Variants in NR1H3 observed in about 807,000 individuals in gnomAD.
The protein encoded by NR1H3 is oxysterols receptor LXR-alpha.
NR1H3 carries 19 observed loss-of-function variants against 48.1 expected under a neutral mutation model. That is an observed-to-expected ratio of 0.40 (90% confidence interval 0.28 to 0.58). NR1H3 has a LOEUF of 0.58. Among genes scored for constraint, NR1H3 ranks in the 20% least tolerant of loss-of-function variants. The pLI is 0.50. For synonymous variants in NR1H3, 232 were observed against 227.3 expected (o/e 1.02, Z -0.19); for missense variants, 486 against 595.9 (o/e 0.82, Z 1.92).
intron 1 of NR1H3, 170 bp downstream of exon 1, chr11:47,258,299 G>C: frequency 3.1e-6 from 2 of 651,622 alleles, no homozygotes; most frequent in Non-Finnish European, 3.8e-6. Flanking sequence ...CTCATGAGGG[G>C]CTCAGGGGAG....
At chr11:47,265,249 C>T (rs976094353) in intron 7 of NR1H3, among the ~76,000 whole-genome samples, 6 of 151,796 alleles carry the variant, frequency 4.0e-5, no homozygotes, top group Non-Finnish European at 7.4e-5. Flanking sequence ...GCTGAGATCG[C>T]GCCACTGCAC....
At chr11:47,264,916 A>G (rs1279836308) in intron 7 of NR1H3, among the ~76,000 whole-genome samples, 4 of 152,318 alleles carry the variant, frequency 2.6e-5, no homozygotes, top group East Asian at 3.9e-4. Context: ...TTAGCTAACT[A>G]TAGAACCTCC....
At chr11:47,248,720 C>T (rs1954339912), upstream of NR1H3, 3 of 1,611,944 alleles carry the variant, frequency 1.9e-6, no homozygotes, top group African/African-American at 4.0e-5. Flanking sequence ...GGCGGCATCA[C>T]CACCAGGTTC....
chr11:47,257,363 C>A (rs1167133959), upstream of NR1H3, among the ~76,000 whole-genome samples: 4 of 152,176 alleles, frequency 2.6e-5, no homozygotes, highest in Non-Finnish European at 5.9e-5. Context: ...CCCAGGCCTG[C>A]CACTGCTCAT....
intron 7 of NR1H3, among the ~76,000 whole-genome samples, chr11:47,267,533 G>A (rs1052806577): frequency 5.9e-4 from 89 of 150,464 alleles, no homozygotes; most frequent in African/African-American, 1.9e-3. Flanking sequence ...TTTTTTGACG[G>A]AATCTCGCTC....
At chr11:47,263,594 T>C (rs150296148) in intron 7 of NR1H3, among the ~76,000 whole-genome samples, 3,910 of 150,444 alleles carry the variant, frequency 0.026, 173 homozygotes, top group African/African-American at 0.091. Flanking sequence ...TCTTTTTCTT[T>C]TTTTTTCTTT....
intron 7 of NR1H3, among the ~76,000 whole-genome samples, chr11:47,263,286 ATAAGT>A (rs978902987): frequency 1.1e-4 from 15 of 135,988 alleles, no homozygotes; most frequent in Non-Finnish European, 2.2e-4. Flanking sequence ...TTTTTTTGAG[ATAAGT>A]TCTTGCTCTG....
chr11:47,268,411 G>C, intron 9 of NR1H3, 56 bp downstream of exon 9: 1 of 1,593,708 alleles, frequency 6.3e-7, no homozygotes, highest in Non-Finnish European at 8.6e-7. Flanking sequence ...CCCATTCCCT[G>C]ACATACCTAC....
At chr11:47,259,094 A>G (rs1023599229) in intron 1 of NR1H3, 86 bp from the exon 2 acceptor site, 1 of 1,588,026 alleles carries the variant, frequency 6.3e-7, no homozygotes, top group African/African-American at 1.3e-5. Flanking sequence ...GTTGATATTG[A>G]TAAAAGGGAG....
Position 47,259,231 on chromosome 11 carries a change from G to C in NR1H3, c.15G>C (p.Leu5=). MSLW[L]GAPVPDIPPD... ...TCCAGGAAGAGATGTCCTTGTGGCT[G>C]GGGGCCCCTGTGCCTGACATTCCTC... Residue 5 remains leucine, a synonymous_variant, in exon 2 of 10, where the codon CTG becomes CTC. Transcript: ENST00000441012. The C allele has an allele frequency of 6.2e-7, 1 of 1,613,782 alleles. No individual in the cohort carries two copies.
intron 7 of NR1H3, among the ~76,000 whole-genome samples, chr11:47,267,642 G>A (rs1424472327): frequency 6.6e-6 from 1 of 152,102 alleles, no homozygotes; most frequent in Non-Finnish European, 1.5e-5. Flanking sequence ...CCAAGTAGCT[G>A]GGATTACAGG....
chr11:47,251,817 C>T (rs1438075365), intron 1 of NR1H3, among the ~76,000 whole-genome samples: 1 of 152,096 alleles, frequency 6.6e-6, no homozygotes, highest in Non-Finnish European at 1.5e-5. Context: ...TTCCCACTTG[C>T]TCAAATATGT....
chr11:47,259,103 A>T, intron 1 of NR1H3, 77 bp from the exon 2 acceptor site: 3 of 1,593,682 alleles, frequency 1.9e-6, no homozygotes, highest in Non-Finnish European at 2.6e-6. Flanking sequence ...GATAAAAGGG[A>T]GGATCAGGTG....
upstream of NR1H3, chr11:47,248,645 G>A: frequency 1.9e-6 from 3 of 1,592,358 alleles, no homozygotes; most frequent in Non-Finnish European, 2.6e-6. Context: ...TTAGCTTCAG[G>A]GAAGTCTTTG....
intron 1 of NR1H3, chr11:47,258,915 C>T: frequency 2.3e-6 from 1 of 436,588 alleles, no homozygotes; most frequent in Non-Finnish European, 4.1e-6. Context: ...GTGGCTTACT[C>T]CAATAATCCC....
chr11:47,267,714 G>A (rs1471270520), intron 7 of NR1H3, among the ~76,000 whole-genome samples, 199 bp from the exon 8 acceptor site: 1 of 152,182 alleles, frequency 6.6e-6, no homozygotes, highest in Non-Finnish European at 1.5e-5. Flanking sequence ...TCGCCATGTT[G>A]GCCAGGCTCT....
Position 47,268,784 on chromosome 11 carries a change from C to G in NR1H3, c.*88C>G. ...TAGAAGTGGAACAGACTGAGAAGGG[C>G]AAACATTCCTGGGAGCTGGGCAAGG... On this transcript the variant is annotated 3_prime_UTR_variant, in exon 10 of 10. Coordinates refer to ENST00000441012, the MANE Select transcript of NR1H3 (RefSeq NM_005693.4). The G allele has an allele frequency of 6.7e-7, 1 of 1,490,906 alleles. No homozygotes were observed. The allele number at this position is 1,490,906 out of a possible 1,614,324, so 92.4% of individuals were successfully genotyped here.
chr11:47,248,341 A>C, upstream of NR1H3: 2 of 1,217,364 alleles, frequency 1.6e-6, no homozygotes, highest in Non-Finnish European at 2.3e-6. Flanking sequence ...GACCATAGGC[A>C]AAGCCAAGGT....
At chr11:47,261,110 C>G (rs1955803035) in intron 4 of NR1H3, 131 bp from the exon 5 acceptor site, 8 of 673,478 alleles carry the variant, frequency 1.2e-5, no homozygotes, top group Non-Finnish European at 2.0e-5. Flanking sequence ...TTGCCTTTAC[C>G]CAGTGCTGTC....
Sources: gnomAD v4.1 joint callset for allele counts (sites outside exome capture counted in the v4.1 genomes callset) on GRCh38, gnomAD v4.1.1 for gene constraint, MANE v1.5 for transcripts, NCBI Gene and HGNC (gene_info 2026-07-23, HGNC 2026-07-21) for gene names.